The following PTPRD variants were observed in gnomAD, a reference collection of about 807,000 sequenced individuals.
PTPRD encodes protein tyrosine phosphatase receptor type D.
A neutral mutation model predicts 214.5 loss-of-function variants in PTPRD; 34 were observed. The observed-to-expected ratio is 0.16, with a 90% CI of 0.12 to 0.21. The LOEUF is 0.21. PTPRD is among the 10% of genes least tolerant of loss of function. The pLI is 1.00. For missense variants in PTPRD, 2,545 were observed against 2,398.7 expected, an observed-to-expected ratio of 1.06 and a Z score of -1.27; for synonymous variants, 1,128 against 845.7, an observed-to-expected ratio of 1.33 and a Z score of -5.79.
intron 9 of PTPRD, among the ~76,000 whole-genome samples, chr9:9,206,886 TTG>T (rs1258526928): frequency 6.6e-6 from 1 of 152,134 alleles, no homozygotes; most frequent in Non-Finnish European, 1.5e-5. Flanking sequence ...CACCTTGTGA[TTG>T]TGTGAGTCAA....
At chr9:9,283,519 T>C (rs560467346) in intron 9 of PTPRD, among the ~76,000 whole-genome samples, 1 of 151,540 alleles carries the variant, frequency 6.6e-6, no homozygotes, top group Non-Finnish European at 1.5e-5. Flanking sequence ...ATCCAACTGC[T>C]AGGAAGTAAG....
chr9:9,493,990 G>C (rs1169944074), intron 8 of PTPRD, among the ~76,000 whole-genome samples: 2 of 152,046 alleles, frequency 1.3e-5, no homozygotes, highest in Non-Finnish European at 1.5e-5. Flanking sequence ...AACCGTAACA[G>C]AGTTTGGAAG....
intron 9 of PTPRD, among the ~76,000 whole-genome samples, chr9:9,342,873 G>A (rs1831753): frequency 0.2 from 30,741 of 151,288 alleles, 3,956 homozygotes; most frequent in East Asian, 0.61. Flanking sequence ...CCCCTACCCC[G>A]CCAACAGGCC....
chr9:8,632,538 C>G (rs1021021050), intron 14 of PTPRD, among the ~76,000 whole-genome samples: 4 of 151,900 alleles, frequency 2.6e-5, no homozygotes, highest in Non-Finnish European at 4.4e-5. Flanking sequence ...AATAGTTAAT[C>G]TGGAAATGTC....
At chr9:10,233,388 T>TA (rs2099618486) in intron 3 of PTPRD, among the ~76,000 whole-genome samples, 1 of 152,022 alleles carries the variant, frequency 6.6e-6, no homozygotes, top group East Asian at 1.9e-4. Context: ...TGAATAGGGC[T>TA]AAAGAGGCGG....
chr9:8,618,876 GT>G (rs2095703974), intron 14 of PTPRD, among the ~76,000 whole-genome samples: 1 of 142,188 alleles, frequency 7.0e-6, no homozygotes, highest in African/African-American at 2.6e-5. Flanking sequence ...TTGTGTGTGT[GT>G]GTGTGTGTGT....
chr9:9,135,357 C>A (rs746391563), intron 10 of PTPRD, among the ~76,000 whole-genome samples: 3 of 152,140 alleles, frequency 2.0e-5, no homozygotes, highest in Non-Finnish European at 4.4e-5. Context: ...AAACATTTAA[C>A]CTCCCTAGTT....
At chr9:8,490,089 A>C (rs1045789403) in intron 27 of PTPRD, among the ~76,000 whole-genome samples, 1 of 152,050 alleles carries the variant, frequency 6.6e-6, no homozygotes, top group Non-Finnish European at 1.5e-5. Context: ...GGTTCTGCTC[A>C]CTCCAGCACT....
intron 12 of PTPRD, among the ~76,000 whole-genome samples, chr9:8,676,939 A>G (rs1313621282): frequency 1.3e-5 from 2 of 152,218 alleles, no homozygotes; most frequent in Non-Finnish European, 2.9e-5. Flanking sequence ...GGCACCCAAA[A>G]TAAGTCTGTA....
intron 8 of PTPRD, among the ~76,000 whole-genome samples, chr9:9,468,607 CTATA>C (rs2094382928): frequency 1.3e-5 from 2 of 152,024 alleles, no homozygotes; most frequent in South Asian, 4.2e-4. Flanking sequence ...GCATTTCAGT[CTATA>C]TATGTTTCTC....
intron 12 of PTPRD, among the ~76,000 whole-genome samples, chr9:8,653,404 A>AT (rs1366526699): frequency 6.6e-6 from 1 of 152,070 alleles, no homozygotes; most frequent in Non-Finnish European, 1.5e-5. Flanking sequence ...TATAGTCATT[A>AT]TTTTTTTAAA....
chr9:8,852,953 T>C (rs754963484), intron 11 of PTPRD, among the ~76,000 whole-genome samples: 7 of 152,194 alleles, frequency 4.6e-5, no homozygotes, highest in Admixed American at 6.5e-5. Flanking sequence ...TTTTTTTCCC[T>C]GTGAGTTGCT....
At chr9:8,373,850 G>A (rs201155446) in intron 39 of PTPRD, among the ~76,000 whole-genome samples, 11 of 134,654 alleles carry the variant, frequency 8.2e-5, no homozygotes, top group South Asian at 2.4e-4. Flanking sequence ...GTATGTATGT[G>A]TATGTGTCTG....
intron 4 of PTPRD, among the ~76,000 whole-genome samples, chr9:9,986,709 T>C (rs1469228206): frequency 6.6e-6 from 1 of 152,148 alleles, no homozygotes; most frequent in African/African-American, 2.4e-5. Flanking sequence ...ACACATTTAC[T>C]TTTTAAAATT....
intron 2 of PTPRD, among the ~76,000 whole-genome samples, chr9:10,437,191 TG>T (rs1192807188): frequency 6.6e-6 from 1 of 151,868 alleles, no homozygotes; most frequent in Non-Finnish European, 1.5e-5. Context: ...AAATTTGAAA[TG>T]GTTTTGGAAT....
rs1308212643 is a variant in PTPRD, at chr9:9,286,876, ATATATATATATATAT to A, written c.-202-103528_-202-103514del. ...CAAGGCAGTCTTGAAACTACTGAAT[ATATATATATATATAT>A]ATATATATATATATATATATATATA... On this transcript the variant is annotated intron_variant, in intron 9 of 45. Coordinates refer to ENST00000381196, the MANE Select transcript of PTPRD (RefSeq NM_002839.4). Among the ~76,000 whole-genome samples, 17 of 8,630 alleles carry A rather than the reference ATATATATATATATAT, an allele frequency of 2.0e-3. 1 individual carries two copies. The South Asian group carries it at 0.025, about 13-fold the overall frequency. The allele number at this position is 8,630 out of a possible 152,430, so 5.7% of individuals were successfully genotyped here. A position where few individuals can be genotyped will look rare whatever the true frequency, so the allele number is the denominator to read the frequency against.
At chr9:9,431,546 A>G (rs537459553) in intron 8 of PTPRD, among the ~76,000 whole-genome samples, 1 of 152,278 alleles carries the variant, frequency 6.6e-6, no homozygotes, top group Non-Finnish European at 1.5e-5. Flanking sequence ...CAGCCATCTC[A>G]TTACTGGGCA....
intron 9 of PTPRD, among the ~76,000 whole-genome samples, chr9:9,214,717 A>C (rs961809899): frequency 4.6e-5 from 7 of 152,148 alleles, no homozygotes; most frequent in African/African-American, 1.7e-4. Context: ...TGTTCTTCAA[A>C]GCTTTTTGCA....
chr9:9,312,642 G>A (rs1317155666), intron 9 of PTPRD, among the ~76,000 whole-genome samples: 2 of 152,126 alleles, frequency 1.3e-5, no homozygotes, highest in African/African-American at 4.8e-5. Flanking sequence ...GTGATGGGAT[G>A]TCATTTTGTC....
Sources: allele counts gnomAD v4.1 joint callset (sites outside exome capture counted in the v4.1 genomes callset), GRCh38; gene constraint gnomAD v4.1.1; transcripts MANE v1.5; gene names NCBI Gene and HGNC (gene_info 2026-07-23, HGNC 2026-07-21).